The following PCDH11X variants were observed in gnomAD, a reference collection of about 807,000 sequenced individuals.
PCDH11X encodes the protein protocadherin-11 X-linked.
In PCDH11X, 18 loss-of-function variants were observed where a neutral mutation model predicts 53.3. That is an observed-to-expected ratio of 0.34 (90% CI 0.23 to 0.50). The LOEUF (loss-of-function observed/expected upper bound fraction) is 0.50, where lower values mean the gene tolerates loss of function less well. Among genes scored for constraint, PCDH11X ranks in the 20% least tolerant of loss-of-function variants. The pLI is 0.98. For synonymous variants in PCDH11X, 279 were observed against 393.3 expected (o/e 0.71, Z 3.44); for missense variants, 570 against 1,032.4 (o/e 0.55, Z 6.14).
intron 8 of PCDH11X, among the ~76,000 whole-genome samples, chrX:92,329,242 G>A (rs1314311424): frequency 9.0e-6 from 1 of 111,339 alleles, no homozygotes; most frequent in Non-Finnish European, 1.9e-5. Context: ...ACATTTACTT[G>A]TTATAGAAAC....
At chrX:92,460,343 T>C (rs1041914173) in intron 9 of PCDH11X, 5 of 918,973 alleles carry the variant, frequency 5.4e-6, no homozygotes, top group Middle Eastern at 3.5e-4. Context: ...CAAGCCCAGA[T>C]TGCCAGCTTT....
At chrX:92,205,744 G>T (rs2066465924) in intron 7 of PCDH11X, among the ~76,000 whole-genome samples, 1 of 109,723 alleles carries the variant, frequency 9.1e-6, no homozygotes, top group Non-Finnish European at 1.9e-5. Context: ...GGGATTACAG[G>T]TGCCTGCCAC....
chrX:92,599,997 G>A (rs748150307), intron 10 of PCDH11X, among the ~76,000 whole-genome samples: 1 of 109,802 alleles, frequency 9.1e-6, no homozygotes, highest in South Asian at 3.9e-4. Context: ...GTATCTGGCA[G>A]AATAAATTTC....
chrX:92,326,647 G>T (rs376737450), intron 8 of PCDH11X, among the ~76,000 whole-genome samples: 11 of 52,752 alleles, frequency 2.1e-4, no homozygotes, highest in African/African-American at 3.6e-4. Context: ...TATAGAGAGA[G>T]AGAGAGAGAG....
chrX:92,003,392 A>G (rs1602656813), intron 6 of PCDH11X, among the ~76,000 whole-genome samples: 3 of 111,036 alleles, frequency 2.7e-5, no homozygotes, highest in African/African-American at 9.8e-5. Flanking sequence ...TACTGGACTC[A>G]TAGAATGAAT....
At chrX:92,158,358 A>T (rs1354097898) in intron 6 of PCDH11X, among the ~76,000 whole-genome samples, 2 of 110,383 alleles carry the variant, frequency 1.8e-5, no homozygotes, top group African/African-American at 6.6e-5. Flanking sequence ...AAAAATACAA[A>T]AATTAGCTGG....
intron 9 of PCDH11X, among the ~76,000 whole-genome samples, chrX:92,398,506 AT>A (rs958942717): frequency 1.2e-4 from 13 of 111,213 alleles, no homozygotes; most frequent in South Asian, 3.7e-4. Flanking sequence ...TCCCAGAAAG[AT>A]TTTTTTTTGA....
At chrX:92,575,037 G>T (rs1213201230) in intron 10 of PCDH11X, among the ~76,000 whole-genome samples, 1 of 110,706 alleles carries the variant, frequency 9.0e-6, no homozygotes, top group African/African-American at 3.3e-5. Flanking sequence ...ATTCCAGAAT[G>T]CTTAAAATAT....
At chrX:91,846,410 G>C (rs1244171858) in intron 5 of PCDH11X, among the ~76,000 whole-genome samples, 2 of 110,329 alleles carry the variant, frequency 1.8e-5, no homozygotes, top group Non-Finnish European at 3.8e-5. Flanking sequence ...GAGGTCAGGA[G>C]ATTGAGACCA....
At chrX:92,303,635 C>G (rs1397669276) in intron 8 of PCDH11X, among the ~76,000 whole-genome samples, 1 of 111,854 alleles carries the variant, frequency 8.9e-6, no homozygotes, top group African/African-American at 3.2e-5. Flanking sequence ...CTGTTTGCCA[C>G]CTGCAACTAT....
intron 8 of PCDH11X, among the ~76,000 whole-genome samples, chrX:92,319,454 G>A (rs192416972): frequency 5.3e-5 from 6 of 112,327 alleles, no homozygotes; most frequent in African/African-American, 1.9e-4. Flanking sequence ...CTAATACCTG[G>A]TCTTCTACTT....
At chrX:92,165,442 A>G (rs1191028736) in intron 6 of PCDH11X, among the ~76,000 whole-genome samples, 4 of 112,009 alleles carry the variant, frequency 3.6e-5, no homozygotes, top group Non-Finnish European at 7.5e-5. Flanking sequence ...TATTGTCTGT[A>G]CAGGGTATTT....
intron 9 of PCDH11X, among the ~76,000 whole-genome samples, chrX:92,461,887 CAA>C (rs1220329162): frequency 2.7e-5 from 3 of 111,923 alleles, no homozygotes; most frequent in African/African-American, 9.7e-5. Flanking sequence ...AATAAATAGA[CAA>C]GAGATTGTAA....
intron 10 of PCDH11X, among the ~76,000 whole-genome samples, chrX:92,536,969 C>T (rs778636684): frequency 9.0e-6 from 1 of 111,140 alleles, no homozygotes; most frequent in African/African-American, 3.3e-5. Context: ...TTTTCACATG[C>T]CTGTTTGCCA....
intron 10 of PCDH11X, among the ~76,000 whole-genome samples, chrX:92,568,282 C>A (rs1029985977): frequency 6.4e-5 from 7 of 109,579 alleles, no homozygotes; most frequent in Non-Finnish European, 1.3e-4. Flanking sequence ...ATTAGCCCGG[C>A]GTGGTGGCGG....
chrX:92,049,905 C>T (rs1388621335), intron 6 of PCDH11X, among the ~76,000 whole-genome samples: 1 of 111,003 alleles, frequency 9.0e-6, no homozygotes, highest in Non-Finnish European at 1.9e-5. Flanking sequence ...TCCCGAGTAG[C>T]TGGGGTTACA....
chrX:91,915,010 C>T (rs1941503953), intron 6 of PCDH11X, among the ~76,000 whole-genome samples: 1 of 109,762 alleles, frequency 9.1e-6, no homozygotes, highest in Non-Finnish European at 1.9e-5. Context: ...CATCAGATAA[C>T]CTATAAAGGA....
At chrX:92,031,902 A>G (rs1191282722) in intron 6 of PCDH11X, among the ~76,000 whole-genome samples, 1 of 111,945 alleles carries the variant, frequency 8.9e-6, no homozygotes, top group Non-Finnish European at 1.9e-5. Flanking sequence ...AGTAAAATTT[A>G]AAGTCATGTA....
At chrX:91,919,326 AT>A (rs1270837196) in intron 6 of PCDH11X, among the ~76,000 whole-genome samples, 1 of 111,835 alleles carries the variant, frequency 8.9e-6, no homozygotes, top group Non-Finnish European at 1.9e-5. Context: ...TATAAATTAA[AT>A]TTTAAGTCTC....
Sources: allele counts gnomAD v4.1 joint callset (sites outside exome capture counted in the v4.1 genomes callset), GRCh38; gene constraint gnomAD v4.1.1; transcripts MANE v1.5; gene names NCBI Gene and HGNC (gene_info 2026-07-23, HGNC 2026-07-21).